The following EEF1D variants were observed in gnomAD, a reference collection of about 807,000 sequenced individuals.
EEF1D encodes elongation factor 1-delta.
In EEF1D, 47 loss-of-function variants were observed where a neutral mutation model predicts 63.9. The ratio of observed to expected loss-of-function variants is 0.74; its 90% CI spans 0.58 to 0.94. EEF1D has a LOEUF of 0.94. Among genes scored for constraint, EEF1D ranks in the 40% least tolerant of loss-of-function variants. The pLI, the probability that EEF1D is intolerant of heterozygous loss-of-function variation, is 0.00. For synonymous variants in EEF1D, 412 were observed against 386.1 expected (o/e 1.07, Z -0.79); for missense variants, 907 against 899.0 (o/e 1.01, Z -0.11).
Position 143,581,274 on chromosome 8 carries a change from C to A in EEF1D, c.1342G>T (p.Val448Phe), listed in dbSNP as rs11548167. 6.2e-7 allele frequency: 1 copy of A among 1,612,540 alleles called. No individual in the cohort carries two copies. ...GTSGDHGELV[V>F]RIASLEVENQ... Reference sequence around the variant, plus strand: ...TCCACTTCCAGACTGGCAATCCGGACGACGAGCTCACCGTGGTCTCCGCTG... The same window carrying A: ...TCCACTTCCAGACTGGCAATCCGGAAGACGAGCTCACCGTGGTCTCCGCTG... The change falls in exon 6 of 10, where the codon GTC (valine) becomes TTC (phenylalanine). Residue 448 changes from valine (V) to phenylalanine (F), a missense_variant. Physicochemically the swap from Val to Phe is conservative, Grantham distance 50. Coordinates refer to ENST00000618139, the MANE Select transcript of EEF1D (RefSeq NM_001130053.5).
At position 143,584,634 on chromosome 8, in the gene EEF1D, A is replaced by G. The variant is rs565648826; in HGVS notation, c.1287+1585T>C. Among the ~76,000 whole-genome samples, 61 of 152,220 alleles carry G rather than the reference A, an allele frequency of 4.0e-4. 1 individual carries two copies. The South Asian group carries it at 0.012, about 31-fold the overall frequency. Reference sequence around the variant, plus strand: ...TGAGCACCCTGTTGGCAGAATTCAGATGCTAAGGCCCTCGGTGAGGACTCA... The same window carrying G: ...TGAGCACCCTGTTGGCAGAATTCAGGTGCTAAGGCCCTCGGTGAGGACTCA... On this transcript the variant is annotated intron_variant, in intron 5 of 9. Coordinates refer to ENST00000618139, the MANE Select transcript of EEF1D (RefSeq NM_001130053.5).
At position 143,581,137 on chromosome 8, in the gene EEF1D, G is replaced by C; in HGVS notation, c.1405C>G (p.Gln469Glu). 6.2e-7 allele frequency: 1 copy of C among 1,612,986 alleles called. No individual in the cohort carries two copies. Among genetic ancestry groups the C allele is most frequent in the Non-Finnish European group, 8.5e-7 (1 of 1,179,968 alleles). Reference sequence around the variant, plus strand: ...CGGGCCTCCAGCTTGGAGATGGCCTGCTGCAGCTCCTGTACCACTGGGGGG... The same window carrying C: ...CGGGCCTCCAGCTTGGAGATGGCCTCCTGCAGCTCCTGTACCACTGGGGGG... The part of the protein sequence containing the change: ...SLRGVVQELQ[Q>E]AISKLEARLN... Residue 469 changes from glutamine (Q) to glutamate (E), a missense_variant, in exon 7 of 10, where the codon CAG becomes GAG. Gln to Glu is a conservative substitution (Grantham distance 29). Transcript: ENST00000618139.
chr8:143,589,631 C>T lies in EEF1D; in HGVS notation c.451G>A (p.Gly151Arg). The part of the protein sequence containing the change: ...ALAPWGLCTH[G>R]NQVACHHVTW... ...ACGTGGTGGCAGGCCACCTGGTTTC[C>T]ATGGGTGCAGAGACCCCAAGGGGCC... Residue 151 changes from glycine (G) to arginine (R), a missense_variant, in exon 3 of 10, where the codon GGA becomes AGA. By Grantham distance (125) the Gly-to-Arg change is moderately radical (BLOSUM62 -2). Transcript: ENST00000618139. 1.3e-6 allele frequency: 2 copies of T among 1,539,478 alleles called. No homozygotes were observed. The highest frequency in any genetic ancestry group is 1.8e-6 in the Non-Finnish European group (2 of 1,142,032).
intron 1 of EEF1D, chr8:143,594,049 T>C: frequency 2.8e-6 from 1 of 352,978 alleles, no homozygotes; most frequent in Non-Finnish European, 4.0e-6. Context: ...TCCTGCAGTT[T>C]ATCCAAGCTC....
At chr8:143,587,722 C>T (rs1395015319) in intron 3 of EEF1D, among the ~76,000 whole-genome samples, 2 of 152,236 alleles carry the variant, frequency 1.3e-5, no homozygotes, top group Non-Finnish European at 2.9e-5. Flanking sequence ...AGAATTGCTG[C>T]CCTAGACAGG....
chr8:143,579,886 C>T, intron 9 of EEF1D, 56 bp from the exon 10 acceptor site: 2 of 1,537,634 alleles, frequency 1.3e-6, no homozygotes, highest in Non-Finnish European at 1.8e-6. Context: ...CCACTCGGAG[C>T]CAGGAGCCTC....
At position 143,589,478 on chromosome 8, in the gene EEF1D, G is replaced by C. The variant is rs1827461193; in HGVS notation, c.604C>G (p.Gln202Glu). Residue 202 changes from glutamine to glutamate, a missense_variant, in exon 3 of 10, where the codon CAG becomes GAG. Transcript: ENST00000618139. ...TGGGCCAGGTCGGGGACGGCCACCT[G>C]CTGGCCTGTGTTGGGAGTCCCCTGC... ...RRQGTPNTGQ[Q>E]VAVPDLAHQP... The C allele has an allele frequency of 6.5e-7, 1 of 1,529,262 alleles. No homozygotes were observed. The highest frequency in any genetic ancestry group is 1.4e-5 in the African/African-American group (1 of 72,534). 94.7% of individuals were successfully genotyped at this position (1,529,262 alleles called of 1,614,324 possible).
chr8:143,588,926 G>C, intron 3 of EEF1D, 65 bp downstream of exon 3: 1 of 1,522,754 alleles, frequency 6.6e-7, no homozygotes. Flanking sequence ...AGGAGCCCCA[G>C]CCTGGGATGG....
chr8:143,588,036 C>T (rs778710480), intron 3 of EEF1D, among the ~76,000 whole-genome samples: 1 of 152,230 alleles, frequency 6.6e-6, no homozygotes, highest in African/African-American at 2.4e-5. Context: ...AGTCTGTGAG[C>T]GTCCTCTGCG....
intron 1 of EEF1D, among the ~76,000 whole-genome samples, chr8:143,595,271 A>G (rs1270398788): frequency 6.6e-6 from 1 of 152,048 alleles, no homozygotes; most frequent in Non-Finnish European, 1.5e-5. Context: ...GGGTTTCACC[A>G]TGTTTGCCAG....
intron 5 of EEF1D, chr8:143,583,053 G>A (rs1825864424): frequency 6.6e-6 from 1 of 152,242 alleles, no homozygotes; most frequent in Admixed American, 6.5e-5. Context: ...GGTATCTTAG[G>A]ATGTGACCTT....
chr8:143,592,872 G>C (rs1222831619), intron 1 of EEF1D: 4 of 174,316 alleles, frequency 2.3e-5, no homozygotes, highest in Non-Finnish European at 4.5e-5. Flanking sequence ...AGTCCACACA[G>C]GTGACGTCAC....
intron 1 of EEF1D, 46 bp from the exon 2 acceptor site, chr8:143,592,706 A>C (rs757822731): frequency 1.9e-4 from 184 of 985,692 alleles, no homozygotes; most frequent in Middle Eastern, 1.0e-3. Flanking sequence ...GGCAGCCAGA[A>C]AGACTAACCG....
At chr8:143,581,677 C>G in intron 5 of EEF1D, 1 of 331,964 alleles carries the variant, frequency 3.0e-6, no homozygotes, top group South Asian at 4.8e-5. Context: ...TAGGGACAAC[C>G]TGGGACACGC....
chr8:143,593,842 C>A (rs1828370534), intron 1 of EEF1D: 35 of 985,256 alleles, frequency 3.6e-5, no homozygotes, highest in Non-Finnish European at 4.1e-5. Flanking sequence ...CTCCTCATTT[C>A]CCCGCTTCCC....
chr8:143,580,662 G>C lies in EEF1D; in HGVS notation c.1554C>G (p.Asp518Glu). The change falls in exon 8 of 10, where the codon GAC becomes GAG. Residue 518 changes from aspartate (D) to glutamate (E), a missense_variant. Asp to Glu is a conservative substitution (Grantham distance 45). Coordinates refer to ENST00000618139, the MANE Select transcript of EEF1D (RefSeq NM_001130053.5). ...AKKPATPAED[D>E]EDDDIDLFGS... ...CAAACAGGTCAATGTCATCATCCTC[G>C]TCATCCTCTGCTGGTGTGGCTGGCT... 3 of 1,613,866 alleles carry C rather than the reference G, an allele frequency of 1.9e-6. No homozygotes were observed. Among genetic ancestry groups the C allele is most frequent in the South Asian group, 2.2e-5 (2 of 91,072 alleles).
chr8:143,594,051 T>C (rs1019295221), intron 1 of EEF1D: 1 of 348,380 alleles, frequency 2.9e-6, no homozygotes, highest in Admixed American at 6.4e-5. Context: ...CTGCAGTTTA[T>C]CCAAGCTCAG....
rs1249379679 is a variant in EEF1D, at chr8:143,591,549, C to T, written c.-1+1098G>A. On this transcript the variant is annotated intron_variant, in intron 2 of 9. Transcript: ENST00000618139. The stretch of plus-strand genomic sequence containing the variant: ...AGGCTCTGCTCCCCAAAAGCAGAAA[C>T]GCCTGGGCCTAACCAACGCCTAGGA... 3.9e-5 allele frequency among the ~76,000 whole-genome samples: 6 copies of T among 152,372 alleles called. No homozygotes were observed. In the South Asian group the frequency reaches 8.3e-4, roughly 21 times the overall value.
chr8:143,589,552 A>C lies in EEF1D; in HGVS notation c.530T>G (p.Phe177Cys). 6.6e-7 allele frequency: 1 copy of C among 1,513,896 alleles called. No homozygotes were observed. Among genetic ancestry groups the C allele is most frequent in the Non-Finnish European group, 8.8e-7 (1 of 1,130,584 alleles). The allele number at this position is 1,513,896 out of a possible 1,614,324, so 93.8% of individuals were successfully genotyped here. A position where few individuals can be genotyped will look rare whatever the true frequency, so the allele number is the denominator to read the frequency against. ...CAACAGGGCCTGAGACCACTCCACG[A>C]AGGCCCGCTCAGCCTGGTCGAAGGA... ...KSSFDQAERA[F>C]VEWSQALLLA... is the part of the protein sequence containing the mutation. Residue 177 changes from phenylalanine (F) to cysteine (C), a missense_variant, in exon 3 of 10, where the codon TTC (phenylalanine) becomes TGC (cysteine). By Grantham distance (205) the Phe-to-Cys change is radical. Transcript: ENST00000618139.
Sources: allele counts gnomAD v4.1 joint callset (sites outside exome capture counted in the v4.1 genomes callset), GRCh38; gene constraint gnomAD v4.1.1; transcripts MANE v1.5; gene names NCBI Gene and HGNC (gene_info 2026-07-23, HGNC 2026-07-21).